CNOT9: variants seen among roughly 807,000 people sequenced by gnomAD.
CNOT9 encodes RCD1 required for cell differentiation1 homolog.
A neutral mutation model predicts 37.4 loss-of-function variants in CNOT9; 8 were observed. The ratio of observed to expected loss-of-function variants is 0.21; its 90% CI spans 0.13 to 0.39. The LOEUF is 0.39. Ranked by LOEUF, CNOT9 falls within the 10% of genes least tolerant of loss-of-function variation. The probability of loss-of-function intolerance (pLI) is 1.00; values close to 1 mark genes in which losing one functional copy is unlikely to be tolerated. For synonymous variants in CNOT9, 120 were observed against 137.6 expected, an observed-to-expected ratio of 0.87 and a Z score of 0.90; for missense variants, 154 against 365.3, an observed-to-expected ratio of 0.42 and a Z score of 4.71.
chr2:218,570,977 A>T (rs1196712114), intron 1 of CNOT9, among the ~76,000 whole-genome samples: 1 of 152,174 alleles, frequency 6.6e-6, no homozygotes, highest in African/African-American at 2.4e-5. Context: ...GAGGAAACTA[A>T]AACGTAAAAA....
At chr2:218,580,923 A>G (rs1694349755) in intron 2 of CNOT9, 183 bp downstream of exon 2, 3 of 686,420 alleles carry the variant, frequency 4.4e-6, no homozygotes, top group Non-Finnish European at 2.6e-6. Flanking sequence ...TCCTTACCCA[A>G]GAGATTCAAT....
At chr2:218,581,094 G>A (rs375577099) in intron 2 of CNOT9, 3 of 460,772 alleles carry the variant, frequency 6.5e-6, no homozygotes, top group East Asian at 6.7e-5. Context: ...AAGGTGGAAA[G>A]TAGAGTATAA....
At position 218,592,597 on chromosome 2, in the gene CNOT9, C is replaced by G; in HGVS notation, c.640-19C>G. The G allele has an allele frequency of 6.2e-7, 1 of 1,613,146 alleles. No individual in the cohort carries two copies. Among genetic ancestry groups the G allele is most frequent in the East Asian group, 2.2e-5 (1 of 44,872 alleles). The stretch of plus-strand genomic sequence containing the variant: ...TTGTGTGTTTTTTCCAACCCCTCCC[C>G]TTATTTTGGGGGAAACAGGGTAAGA... On this transcript the variant is annotated intron_variant, in intron 6 of 7. Coordinates refer to ENST00000273064, the MANE Select transcript of CNOT9 (RefSeq NM_005444.3). The surrounding 1 kb of genome is among the most constrained non-coding windows in gnomAD (Gnocchi z 4.1).
Position 218,583,190 on chromosome 2 carries a change from C to T in CNOT9, c.320+104C>T, listed in dbSNP as rs1361798667. The T allele has an allele frequency of 2.3e-4, 74 of 328,090 alleles. 1 individual carries two copies. The African/African-American group carries it at 3.9e-3, about 17-fold the overall frequency. 20.3% of individuals were successfully genotyped at this position (328,090 alleles called of 1,614,324 possible). A position where few individuals can be genotyped will look rare whatever the true frequency, so the allele number is the denominator to read the frequency against. ...GGGCATGGAGGAGAGAGAGAGAGAA[C>T]GTTTGTGTGTGTGTGTGTGTGTGTG... On this transcript the variant is annotated intron_variant, in intron 3 of 7. Coordinates refer to ENST00000273064, the MANE Select transcript of CNOT9 (RefSeq NM_005444.3).
intron 1 of CNOT9, among the ~76,000 whole-genome samples, chr2:218,575,391 T>TC (rs1694133680): frequency 2.1e-5 from 3 of 142,134 alleles, no homozygotes; most frequent in South Asian, 2.1e-4. Flanking sequence ...TTTTTTCTTT[T>TC]TTTTTTTTTT....
chr2:218,571,175 A>G (rs1161427035), intron 1 of CNOT9, among the ~76,000 whole-genome samples: 1 of 152,228 alleles, frequency 6.6e-6, no homozygotes, highest in East Asian at 1.9e-4. Context: ...CCGAACAATG[A>G]AAGTGTGTAT....
At chr2:218,587,002 T>C (rs554022711) in intron 4 of CNOT9, among the ~76,000 whole-genome samples, 3 of 152,244 alleles carry the variant, frequency 2.0e-5, no homozygotes, top group Admixed American at 1.3e-4. Context: ...TGGAAAAATA[T>C]AGTAGTCAAG....
intron 1 of CNOT9, among the ~76,000 whole-genome samples, chr2:218,578,062 G>A (rs1457473647): frequency 1.3e-5 from 2 of 152,224 alleles, no homozygotes; most frequent in Admixed American, 6.5e-5. Flanking sequence ...GTTTGTGGCT[G>A]CCTAGAAAGG....
At chr2:218,576,411 A>C (rs891330666) in intron 1 of CNOT9, among the ~76,000 whole-genome samples, 31 of 152,172 alleles carry the variant, frequency 2.0e-4, no homozygotes, top group Non-Finnish European at 3.4e-4. Flanking sequence ...GTTCTCACTA[A>C]GTAAATTATG....
chr2:218,586,794 C>A (rs1320069044), intron 4 of CNOT9, among the ~76,000 whole-genome samples: 1 of 152,090 alleles, frequency 6.6e-6, no homozygotes, highest in African/African-American at 2.4e-5. Flanking sequence ...CCAGCCTGAT[C>A]TCAGACTTTC....
At chr2:218,588,434 ATGTG>A (rs1694662142) in intron 5 of CNOT9, among the ~76,000 whole-genome samples, 2 of 150,938 alleles carry the variant, frequency 1.3e-5, no homozygotes. Context: ...GACTACAGGC[ATGTG>A]CCACCATACC....
chr2:218,575,714 T>C (rs184850054), intron 1 of CNOT9, among the ~76,000 whole-genome samples: 1 of 152,346 alleles, frequency 6.6e-6, no homozygotes, highest in African/African-American at 2.4e-5. Context: ...CATTTGATTC[T>C]TAAAGGGTCT....
chr2:218,569,782 T>G (rs977281329), intron 1 of CNOT9, among the ~76,000 whole-genome samples: 1 of 152,192 alleles, frequency 6.6e-6, no homozygotes, highest in African/African-American at 2.4e-5. Context: ...TTATCCCTCC[T>G]CCTTTACATA....
chr2:218,587,565 G>A, intron 4 of CNOT9, 21 bp from the exon 5 acceptor site: 9 of 1,558,906 alleles, frequency 5.8e-6, no homozygotes, highest in African/African-American at 1.4e-5. Flanking sequence ...AAATAATTTT[G>A]TTTGTCCTTA....
intron 2 of CNOT9, 124 bp downstream of exon 2, chr2:218,580,864 A>G: frequency 1.1e-6 from 1 of 905,626 alleles, no homozygotes; most frequent in Non-Finnish European, 1.7e-6. Context: ...ATTTGTAAGA[A>G]TCTGTTTTAG....
rs1329244177 is a variant in CNOT9, at chr2:218,595,588, C to G, written c.*1312C>G. 2.0e-5 allele frequency: 3 copies of G among 151,370 alleles called. No individual in the cohort carries two copies. Among genetic ancestry groups the G allele is most frequent in the Non-Finnish European group, 4.4e-5 (3 of 67,892 alleles). 9.4% of individuals were successfully genotyped at this position (151,370 alleles called of 1,614,324 possible). On this transcript the variant is annotated 3_prime_UTR_variant, in exon 8 of 8. Transcript: ENST00000273064. ...ACCTAGTGTAAACTGCCTTGCTTTCCCCGGTTCTTTCCCCTGCTAGCACCT... is the reference window on the plus strand; with the variant it reads ...ACCTAGTGTAAACTGCCTTGCTTTCGCCGGTTCTTTCCCCTGCTAGCACCT...
In CNOT9 at chr2:218,592,542, C is replaced by A. The variant is rs972792504; in HGVS notation, c.640-74C>A. ...TTTTATGATTCTTGGACTATCTGAT[C>A]TCTGATGTCAATTAGAATTTGTTTG... On this transcript the variant is annotated intron_variant, in intron 6 of 7. Coordinates refer to ENST00000273064, the MANE Select transcript of CNOT9 (RefSeq NM_005444.3). This position sits in a 1 kb window ranked among gnomAD's most constrained non-coding sequence, Gnocchi z 4.1. The A allele has an allele frequency of 6.5e-7, 1 of 1,527,164 alleles. No homozygotes were observed. The highest frequency in any genetic ancestry group is 1.4e-5 in the African/African-American group (1 of 73,064). The allele number at this position is 1,527,164 out of a possible 1,614,324, so 94.6% of individuals were successfully genotyped here. A position where few individuals can be genotyped will look rare whatever the true frequency, so the allele number is the denominator to read the frequency against.
At chr2:218,594,027 T>C in intron 7 of CNOT9, 81 bp from the exon 8 acceptor site, 1 of 1,359,030 alleles carries the variant, frequency 7.4e-7, no homozygotes, top group Non-Finnish European at 1.0e-6. Flanking sequence ...TATTTATGTC[T>C]AAGAAGGGGG....
intron 1 of CNOT9, among the ~76,000 whole-genome samples, chr2:218,576,186 C>T (rs959933782): frequency 6.6e-6 from 1 of 152,022 alleles, no homozygotes; most frequent in Admixed American, 6.5e-5. Flanking sequence ...AAAGATGGGC[C>T]TAAATAACTC....
Sources: allele counts gnomAD v4.1 joint callset (sites outside exome capture counted in the v4.1 genomes callset), GRCh38; gene constraint gnomAD v4.1.1; non-coding constraint Gnocchi (gnomAD v3.1); transcripts MANE v1.5; gene names NCBI Gene and HGNC (gene_info 2026-07-23, HGNC 2026-07-21).